The following MAST4 variants were observed in gnomAD, a reference collection of about 807,000 sequenced individuals.
The protein encoded by MAST4 is microtubule-associated serine/threonine-protein kinase 4.
MAST4 carries 89 observed loss-of-function variants against 162.7 expected under a neutral mutation model. That is an observed-to-expected ratio of 0.55 (90% CI 0.46 to 0.65). The LOEUF is 0.65. Among genes scored for constraint, MAST4 ranks in the 30% least tolerant of loss-of-function variants. The pLI is 0.00. For missense variants in MAST4, 3,153 were observed against 3,374.0 expected (o/e 0.93, Z 1.62); for synonymous variants, 1,479 against 1,361.1 (o/e 1.09, Z -1.91).
intron 2 of MAST4, among the ~76,000 whole-genome samples, chr5:66,785,346 A>AAT (rs1171623335): frequency 2.0e-5 from 3 of 152,248 alleles, no homozygotes; most frequent in Non-Finnish European, 4.4e-5. Context: ...CTTTATAAAT[A>AAT]ATATATGTTA....
At chr5:67,096,903 A>T (rs1421838659) in intron 7 of MAST4, among the ~76,000 whole-genome samples, 1 of 152,188 alleles carries the variant, frequency 6.6e-6, no homozygotes, top group Non-Finnish European at 1.5e-5. Context: ...CATCAGTAAA[A>T]GATGCTTAAA....
intron 4 of MAST4, among the ~76,000 whole-genome samples, chr5:66,949,078 A>C (rs1744370763): frequency 6.6e-6 from 1 of 152,188 alleles, no homozygotes; most frequent in Admixed American, 6.5e-5. Context: ...ATAGACAAAA[A>C]TATTAAATTA....
At chr5:66,808,915 A>G (rs1250423008) in intron 3 of MAST4, among the ~76,000 whole-genome samples, 1 of 152,156 alleles carries the variant, frequency 6.6e-6, no homozygotes, top group East Asian at 1.9e-4. Flanking sequence ...AAACCCACGC[A>G]ATAGAGATGA....
intron 1 of MAST4, among the ~76,000 whole-genome samples, chr5:66,678,404 A>C (rs1748095739): frequency 6.6e-6 from 1 of 152,144 alleles, no homozygotes; most frequent in Non-Finnish European, 1.5e-5. Context: ...ACCAATAAAA[A>C]TTGCTAAGTA....
chr5:66,673,530 G>GTTTTTTTTTTTTTTT (rs11376867), intron 1 of MAST4, among the ~76,000 whole-genome samples: 2 of 106,546 alleles, frequency 1.9e-5, no homozygotes, highest in Non-Finnish European at 4.0e-5. Flanking sequence ...TTTGTTTTTT[G>GTTTTTTTTTTTTTTT]TTTTTTTTTT....
At chr5:67,037,267 G>A (rs967510163) in intron 4 of MAST4, among the ~76,000 whole-genome samples, 16 of 152,116 alleles carry the variant, frequency 1.1e-4, no homozygotes, top group African/African-American at 3.9e-4. Flanking sequence ...TAGTGGCTAA[G>A]CAGAGAGGTG....
intron 3 of MAST4, among the ~76,000 whole-genome samples, chr5:66,842,355 T>C (rs1758487071): frequency 6.6e-6 from 1 of 152,138 alleles, no homozygotes; most frequent in South Asian, 2.1e-4. Context: ...ATGGACAAAA[T>C]TTGCCAAACA....
intron 23 of MAST4, among the ~76,000 whole-genome samples, chr5:67,146,269 G>T (rs1250197633): frequency 6.6e-6 from 1 of 152,186 alleles, no homozygotes; most frequent in African/African-American, 2.4e-5. Flanking sequence ...AGATTTTTAA[G>T]GAGCTTAATA....
chr5:66,712,435 T>C (rs1482553104), intron 1 of MAST4, among the ~76,000 whole-genome samples: 1 of 152,220 alleles, frequency 6.6e-6, no homozygotes, highest in Admixed American at 6.5e-5. Context: ...TCCAGGATTT[T>C]CCAAAGTGTG....
intron 5 of MAST4, among the ~76,000 whole-genome samples, chr5:67,074,459 A>G (rs1761357035): frequency 6.6e-6 from 1 of 152,204 alleles, no homozygotes; most frequent in South Asian, 2.1e-4. Flanking sequence ...ATTTAAGGAA[A>G]TAATCAGAAA....
chr5:67,057,142 C>T (rs1303908812), intron 5 of MAST4, among the ~76,000 whole-genome samples: 2 of 152,106 alleles, frequency 1.3e-5, no homozygotes, highest in African/African-American at 2.4e-5. Context: ...AGAAGAAAAA[C>T]ATGTGAATAC....
intron 1 of MAST4, among the ~76,000 whole-genome samples, chr5:66,646,325 A>G (rs1054646876): frequency 6.6e-6 from 1 of 152,196 alleles, no homozygotes; most frequent in African/African-American, 2.4e-5. Context: ...GATGATAGGC[A>G]GACATCAGAA....
chr5:66,904,823 T>C (rs1281900620), intron 4 of MAST4, among the ~76,000 whole-genome samples: 1 of 149,544 alleles, frequency 6.7e-6, no homozygotes, highest in Non-Finnish European at 1.5e-5. Flanking sequence ...GCTACAGGAG[T>C]ATATTGCATG....
intron 4 of MAST4, among the ~76,000 whole-genome samples, chr5:66,953,459 T>C (rs1378718735): frequency 6.6e-6 from 1 of 152,180 alleles, no homozygotes; most frequent in African/African-American, 2.4e-5. Flanking sequence ...TTGGATCATA[T>C]TGCTTTTAAG....
intron 1 of MAST4, among the ~76,000 whole-genome samples, chr5:66,601,956 C>T (rs751690856): frequency 9.9e-5 from 15 of 151,954 alleles, no homozygotes; most frequent in Admixed American, 5.2e-4. Context: ...GGGTGAGATG[C>T]GATTGTCCCT....
intron 1 of MAST4, among the ~76,000 whole-genome samples, chr5:66,708,817 T>G (rs1431488970): frequency 6.6e-6 from 1 of 152,206 alleles, no homozygotes; most frequent in Non-Finnish European, 1.5e-5. Context: ...TAAGTGAATT[T>G]ATTTCCTGGG....
intron 1 of MAST4, among the ~76,000 whole-genome samples, chr5:66,727,947 T>G (rs550105313): frequency 6.6e-6 from 1 of 152,216 alleles, no homozygotes; most frequent in Non-Finnish European, 1.5e-5. Context: ...TGGTGTTTGC[T>G]TCTGGGACTC....
intron 4 of MAST4, among the ~76,000 whole-genome samples, chr5:66,920,898 A>G (rs186983206): frequency 7.9e-5 from 12 of 152,278 alleles, no homozygotes; most frequent in Middle Eastern, 3.4e-3. Flanking sequence ...TGAAACACAT[A>G]AACATAAACA....
intron 7 of MAST4, 52 bp from the exon 8 acceptor site, chr5:67,100,383 T>C (rs1764902512): frequency 6.3e-7 from 1 of 1,591,258 alleles, no homozygotes; most frequent in Admixed American, 1.7e-5. Flanking sequence ...CCTGTTCATT[T>C]GAAGAGTTTC....
Sources: gnomAD v4.1 joint callset for allele counts (sites outside exome capture counted in the v4.1 genomes callset) on GRCh38, gnomAD v4.1.1 for gene constraint, MANE v1.5 for transcripts, NCBI Gene and HGNC (gene_info 2026-07-23, HGNC 2026-07-21) for gene names.